ST18: variants seen among roughly 807,000 people sequenced by gnomAD.
The protein encoded by ST18 is suppression of tumorigenicity 18 protein.
Under a neutral mutation model 110.0 loss-of-function variants are expected in ST18, and 50 were observed. That is an observed-to-expected ratio of 0.45 (90% confidence interval 0.36 to 0.58). ST18 has a LOEUF of 0.58. ST18 is among the 20% of genes least tolerant of loss of function. ST18 has a pLI of 0.00. For synonymous variants in ST18, 461 were observed against 452.4 expected (o/e 1.02, Z -0.24); for missense variants, 1,306 against 1,280.1 (o/e 1.02, Z -0.31).
intron 7 of ST18, among the ~76,000 whole-genome samples, chr8:52,212,871 C>A (rs183719012): frequency 6.6e-6 from 1 of 152,160 alleles, no homozygotes; most frequent in Admixed American, 6.5e-5. Context: ...TTAAAAAAAC[C>A]CACATTTTAA....
chr8:52,346,641 C>A (rs923842017), intron 2 of ST18, among the ~76,000 whole-genome samples: 2 of 152,228 alleles, frequency 1.3e-5, no homozygotes, highest in Non-Finnish European at 2.9e-5. Context: ...TCGCTAGCCA[C>A]ACTGTTGCTA....
chr8:52,406,324 G>A (rs1459916395), intron 2 of ST18: 1 of 152,252 alleles, frequency 6.6e-6, no homozygotes, highest in African/African-American at 2.4e-5. Context: ...AATGCAACAA[G>A]ACTCCAACCA....
At chr8:52,294,190 T>C (rs1254849664) in intron 2 of ST18, among the ~76,000 whole-genome samples, 1 of 152,154 alleles carries the variant, frequency 6.6e-6, no homozygotes, top group Admixed American at 6.5e-5. Flanking sequence ...CCACATATCA[T>C]AAGTGGAAGA....
chr8:52,322,442 T>A (rs1322650878), intron 2 of ST18, among the ~76,000 whole-genome samples: 1 of 152,206 alleles, frequency 6.6e-6, no homozygotes, highest in Non-Finnish European at 1.5e-5. Context: ...ATTATAGAAA[T>A]TGTGACAATG....
intron 8 of ST18, among the ~76,000 whole-genome samples, chr8:52,211,377 A>AATTATTATTATT (rs3054637): frequency 6.5e-5 from 9 of 138,444 alleles, no homozygotes; most frequent in East Asian, 2.1e-4. Flanking sequence ...GGAATCATCT[A>AATTATTATTATT]ATTATTATTA....
Position 52,162,391 on chromosome 8 carries a change from A to G in ST18, c.1401-823T>C, listed in dbSNP as rs2061689235. Among the ~76,000 whole-genome samples the G allele has an allele frequency of 2.0e-5, 3 of 152,332 alleles. No homozygotes were observed. The South Asian group carries it at 6.2e-4, about 32-fold the overall frequency. ...GATGCTAGGCTCTGCTCAGTCCTGC[A>G]GAGCTGGCAGAAATCTGATGCCTAA... On this transcript the variant is annotated intron_variant, in intron 13 of 25. Transcript: ENST00000689386.
chr8:52,235,744 T>C, intron 2 of ST18, among the ~76,000 whole-genome samples: 1 of 152,136 alleles, frequency 6.6e-6, no homozygotes, highest in South Asian at 2.1e-4. Context: ...TTGAGATTAG[T>C]TTTACAAATT....
intron 2 of ST18, among the ~76,000 whole-genome samples, chr8:52,269,999 A>C (rs1446819641): frequency 6.7e-6 from 1 of 150,276 alleles, no homozygotes; most frequent in African/African-American, 2.5e-5. Context: ...TGGCAAAACC[A>C]CATTTTTTCC....
chr8:52,211,117 G>A lies in ST18; in HGVS notation c.86+962C>T, dbSNP rs1357939322. Among the ~76,000 whole-genome samples, 3 of 152,122 alleles carry A rather than the reference G, an allele frequency of 2.0e-5. No homozygotes were observed. In the South Asian group the frequency reaches 6.2e-4, roughly 32 times the overall value. ...TGTACAGAGCAATTATCTTGTTCCT[G>A]ACAGAAAATGTGTCGTCTGCATGTG... On this transcript the variant is annotated intron_variant, in intron 8 of 25. Coordinates refer to ENST00000689386, the MANE Select transcript of ST18 (RefSeq NM_001352837.2).
Position 52,352,675 on chromosome 8 carries a change from C to T in ST18, c.-465+56653G>A, listed in dbSNP as rs563725515. ...TGCCAGGCCCCGTGCTGGGCACTAG[C>T]GACACTCATGAAGAAGCCACTGTCC... On this transcript the variant is annotated intron_variant, in intron 2 of 25. Transcript: ENST00000689386. Among the ~76,000 whole-genome samples the T allele has an allele frequency of 1.2e-4, 18 of 152,234 alleles. No homozygotes were observed. In the East Asian group the frequency reaches 1.9e-3, roughly 16 times the overall value.
At position 52,289,968 on chromosome 8, in the gene ST18, G is replaced by A. The variant is rs117475065; in HGVS notation, c.-464-59891C>T. Among the ~76,000 whole-genome samples, 60 of 151,778 alleles carry A rather than the reference G, an allele frequency of 4.0e-4. No individual in the cohort carries two copies. In the East Asian group the frequency reaches 0.011, roughly 27 times the overall value. ...GGAAATGATGGTTCAGAGAAGTAAA[G>A]TGACTGGCCTGAGATCATGGAGTCA... On this transcript the variant is annotated intron_variant, in intron 2 of 25. Coordinates refer to ENST00000689386, the MANE Select transcript of ST18 (RefSeq NM_001352837.2).
At chr8:52,144,535 C>T (rs6473689) in intron 16 of ST18, among the ~76,000 whole-genome samples, 47,315 of 151,934 alleles carry the variant, frequency 0.31, 11,016 homozygotes, top group African/African-American at 0.66. Flanking sequence ...TCAATTATTT[C>T]ACACAAGAGC....
chr8:52,344,660 C>G (rs972041615), intron 2 of ST18, among the ~76,000 whole-genome samples: 13 of 152,288 alleles, frequency 8.5e-5, no homozygotes, highest in Non-Finnish European at 1.5e-4. Context: ...CTCAGCCTCC[C>G]AAAGTGTTGG....
At chr8:52,128,257 C>T (rs574894941) in intron 22 of ST18, among the ~76,000 whole-genome samples, 2 of 152,358 alleles carry the variant, frequency 1.3e-5, no homozygotes, top group African/African-American at 4.8e-5. Flanking sequence ...GCGTGATCCA[C>T]GGTGCCCAGC....
chr8:52,269,918 G>A (rs1302982842), intron 2 of ST18, among the ~76,000 whole-genome samples: 1 of 152,156 alleles, frequency 6.6e-6, no homozygotes, highest in Non-Finnish European at 1.5e-5. Flanking sequence ...ACTCTTCCAA[G>A]TGAGTCTGTG....
chr8:52,221,091 CTAT>C (rs2086498270), intron 4 of ST18, among the ~76,000 whole-genome samples: 2 of 54,718 alleles, frequency 3.7e-5, no homozygotes, highest in Non-Finnish European at 8.2e-5. Context: ...CTATCTCTAT[CTAT>C]CTATCTATCT....
At chr8:52,210,684 A>G (rs964069804) in intron 8 of ST18, among the ~76,000 whole-genome samples, 3 of 152,128 alleles carry the variant, frequency 2.0e-5, no homozygotes, top group Admixed American at 2.0e-4. Context: ...AAATAAATAA[A>G]TAAAAATAAA....
intron 2 of ST18, among the ~76,000 whole-genome samples, chr8:52,347,100 G>C (rs972111997): frequency 1.3e-5 from 2 of 152,190 alleles, no homozygotes; most frequent in African/African-American, 2.4e-5. Flanking sequence ...CAGGAAGGTA[G>C]CTATGTAGTC....
At chr8:52,342,077 A>G (rs1815312719) in intron 2 of ST18, among the ~76,000 whole-genome samples, 1 of 152,218 alleles carries the variant, frequency 6.6e-6, no homozygotes, top group African/African-American at 2.4e-5. Flanking sequence ...TAGTGTTCCT[A>G]AGAGAGTAGC....
Sources: gnomAD v4.1 joint callset for allele counts (sites outside exome capture counted in the v4.1 genomes callset) on GRCh38, gnomAD v4.1.1 for gene constraint, MANE v1.5 for transcripts, NCBI Gene and HGNC (gene_info 2026-07-23, HGNC 2026-07-21) for gene names.